The following ARHGAP31 variants were observed in gnomAD, a reference collection of about 807,000 sequenced individuals.
ARHGAP31 encodes Rho GTPase activating protein 31, also known as rho GTPase-activating protein 31.
Under a neutral mutation model 113.9 loss-of-function variants are expected in ARHGAP31, and 34 were observed. That is an observed-to-expected ratio of 0.30 (90% CI 0.23 to 0.40). ARHGAP31 has a LOEUF of 0.40. Among genes scored for constraint, ARHGAP31 ranks in the 10% least tolerant of loss-of-function variants. ARHGAP31 has a pLI of 1.00. For missense variants in ARHGAP31, 1,548 were observed against 1,767.1 expected (o/e 0.88, Z 2.22); for synonymous variants, 650 against 684.8 (o/e 0.95, Z 0.79).
At chr3:119,295,061 A>G (rs2079521019) in intron 1 of ARHGAP31, 57 bp downstream of exon 1, 2 of 1,511,542 alleles carry the variant, frequency 1.3e-6, no homozygotes, top group African/African-American at 2.8e-5. Context: ...TGAGGGAGAG[A>G]CGGACTCTCT....
At chr3:119,341,683 T>G (rs1332014731) in intron 1 of ARHGAP31, among the ~76,000 whole-genome samples, 1 of 152,210 alleles carries the variant, frequency 6.6e-6, no homozygotes, top group East Asian at 1.9e-4. Context: ...ACAGGGCTAC[T>G]ATATATACTC....
chr3:119,356,036 G>C (rs1264134161), intron 1 of ARHGAP31, among the ~76,000 whole-genome samples: 1 of 152,206 alleles, frequency 6.6e-6, no homozygotes, highest in South Asian at 2.1e-4. Context: ...TCAGAAACAA[G>C]CAACACCTCA....
chr3:119,297,909 AACACAC>A lies in ARHGAP31; in HGVS notation c.100+2936_100+2941del, dbSNP rs10575145. ...GAGAAACAGAAACCCTTTCCTTAGAAACACACACACACACACACACACACACACACA... is the reference window on the plus strand; with the variant it reads ...GAGAAACAGAAACCCTTTCCTTAGAAACACACACACACACACACACACACA... On this transcript the variant is annotated intron_variant, in intron 1 of 11. Transcript: ENST00000264245. 9.7e-4 allele frequency among the ~76,000 whole-genome samples: 138 copies of A among 142,768 alleles called. 1 individual carries two copies. Among genetic ancestry groups the A allele is most frequent in the Middle Eastern group, 3.5e-3 (1 of 282 alleles). The allele number at this position is 142,768 out of a possible 152,430, so 93.7% of individuals were successfully genotyped here.
rs181009705 is a variant in ARHGAP31, at chr3:119,338,586, C to A, written c.101-26730C>A. On this transcript the variant is annotated intron_variant, in intron 1 of 11. Coordinates refer to ENST00000264245, the MANE Select transcript of ARHGAP31 (RefSeq NM_020754.4). ...TCATAAGTACAAATTTTAGTTCATACGTGACATATTTTACTGAATTTTAAT... is the reference window on the plus strand; with the variant it reads ...TCATAAGTACAAATTTTAGTTCATAAGTGACATATTTTACTGAATTTTAAT... Among the ~76,000 whole-genome samples the A allele has an allele frequency of 2.7e-4, 41 of 152,134 alleles. 1 individual carries two copies. The highest frequency in any genetic ancestry group is 2.7e-3 in the Admixed American group (41 of 15,272).
chr3:119,361,543 G>A (rs2080206886), intron 1 of ARHGAP31, among the ~76,000 whole-genome samples: 1 of 152,016 alleles, frequency 6.6e-6, no homozygotes, highest in Non-Finnish European at 1.5e-5. Context: ...CACCACACCT[G>A]GCAAATTTTT....
intron 1 of ARHGAP31, among the ~76,000 whole-genome samples, chr3:119,336,189 A>G (rs1386336496): frequency 5.3e-5 from 8 of 152,220 alleles, no homozygotes; most frequent in Non-Finnish European, 7.3e-5. Flanking sequence ...AAAACAAAAC[A>G]GAAATACTGG....
chr3:119,324,993 G>A (rs1487336942), intron 1 of ARHGAP31: 1 of 456,558 alleles, frequency 2.2e-6, no homozygotes, highest in South Asian at 1.5e-5. Flanking sequence ...TGTCAATAGT[G>A]GCATAGTGTG....
intron 1 of ARHGAP31, chr3:119,298,669 C>T (rs1277538119): frequency 1.3e-5 from 2 of 152,606 alleles, no homozygotes; most frequent in Non-Finnish European, 2.9e-5. Flanking sequence ...TCCAAGCTGA[C>T]AAAGAAAAGA....
chr3:119,363,721 T>G (rs1238819229), intron 1 of ARHGAP31, among the ~76,000 whole-genome samples: 2 of 152,172 alleles, frequency 1.3e-5, no homozygotes, highest in Non-Finnish European at 2.9e-5. Context: ...CAGCTTAGAA[T>G]TGTGTGTAGG....
intron 1 of ARHGAP31, 102 bp from the exon 2 acceptor site, chr3:119,365,214 T>TTTGAAGG: frequency 1.1e-6 from 1 of 924,032 alleles, no homozygotes; most frequent in Non-Finnish European, 1.7e-6. Flanking sequence ...AGTTCCATAC[T>TTTGAAGG]TACATCTCTT....
In ARHGAP31 at chr3:119,388,885, G is replaced by A. The variant is rs565666967; in HGVS notation, c.683-1900G>A. ...AGATGCCTAAGCAGGGGCCAGGCGC[G>A]GTGGCTCACACCTGCAATCCCAGCA... On this transcript the variant is annotated intron_variant, in intron 6 of 11. Coordinates refer to ENST00000264245, the MANE Select transcript of ARHGAP31 (RefSeq NM_020754.4). 2.6e-5 allele frequency among the ~76,000 whole-genome samples: 4 copies of A among 152,266 alleles called. No homozygotes were observed. In the East Asian group the frequency reaches 5.8e-4, roughly 22 times the overall value.
At chr3:119,398,318 C>T (rs1400019690) in intron 8 of ARHGAP31, among the ~76,000 whole-genome samples, 1 of 152,162 alleles carries the variant, frequency 6.6e-6, no homozygotes, top group Non-Finnish European at 1.5e-5. Flanking sequence ...AGCTGCTTGT[C>T]TGAGGTCACA....
intron 10 of ARHGAP31, among the ~76,000 whole-genome samples, chr3:119,404,829 T>C (rs1057305220): frequency 6.6e-6 from 1 of 152,226 alleles, no homozygotes; most frequent in African/African-American, 2.4e-5. Flanking sequence ...GTAATCATCA[T>C]GGTTGATTAT....
rs1298391622 is a variant in ARHGAP31, at chr3:119,420,253, C to T, written c.*3989C>T. ...ACCACGGCCAGTCCAATCTGATGAC[C>T]ACATGAATTGGGGTTAAGTGTTGCT... On this transcript the variant is annotated 3_prime_UTR_variant, in exon 12 of 12. Coordinates refer to ENST00000264245, the MANE Select transcript of ARHGAP31 (RefSeq NM_020754.4). 1 of 152,188 alleles carries T rather than the reference C, an allele frequency of 6.6e-6. No individual in the cohort carries two copies. The allele number at this position is 152,188 out of a possible 1,614,324, so 9.4% of individuals were successfully genotyped here. A position where few individuals can be genotyped will look rare whatever the true frequency, so the allele number is the denominator to read the frequency against.
intron 1 of ARHGAP31, among the ~76,000 whole-genome samples, chr3:119,317,106 TA>T (rs1481110419): frequency 6.6e-6 from 1 of 152,202 alleles, no homozygotes; most frequent in African/African-American, 2.4e-5. Flanking sequence ...TTTTGTTTGA[TA>T]AAAAATGCTC....
At chr3:119,391,606 G>A (rs5852202) in intron 7 of ARHGAP31, among the ~76,000 whole-genome samples, 8 of 108,978 alleles carry the variant, frequency 7.3e-5, no homozygotes, top group East Asian at 6.1e-4. Context: ...CCTCCCCCCC[G>A]CCGTCACTCA....
intron 2 of ARHGAP31, among the ~76,000 whole-genome samples, chr3:119,366,529 A>T (rs2080253501): frequency 6.6e-6 from 1 of 152,168 alleles, no homozygotes; most frequent in African/African-American, 2.4e-5. Flanking sequence ...TCACTAATTT[A>T]CTAGTACTCC....
intron 5 of ARHGAP31, 90 bp downstream of exon 5, chr3:119,382,489 C>T (rs535615652): frequency 4.3e-5 from 55 of 1,277,306 alleles, no homozygotes; most frequent in Non-Finnish European, 5.8e-5. Flanking sequence ...AAATTGAAGC[C>T]CCTTTAAAAC....
intron 2 of ARHGAP31, among the ~76,000 whole-genome samples, chr3:119,367,991 G>A (rs1007945591): frequency 6.6e-6 from 1 of 152,152 alleles, no homozygotes; most frequent in African/African-American, 2.4e-5. Context: ...CCTAGTTTCG[G>A]TCTCTCCTGT....
Sources: allele counts gnomAD v4.1 joint callset (sites outside exome capture counted in the v4.1 genomes callset), GRCh38; gene constraint gnomAD v4.1.1; transcripts MANE v1.5; gene names NCBI Gene and HGNC (gene_info 2026-07-23, HGNC 2026-07-21).